Variants in SAMTOR observed in about 807,000 individuals in gnomAD.
SAMTOR encodes the protein S-adenosylmethionine sensor upstream of mTORC1, also known as UPF0532 protein C7orf60.
At chr7:112,868,363 G>A in the SAMTOR span, among the ~76,000 whole-genome samples, 2 of 152,334 alleles carry the variant, frequency 1.3e-5, no homozygotes, top group East Asian at 3.9e-4. Flanking sequence ...CCTAGACCCT[G>A]GGGAGGAGAA....
At chr7:112,931,045 A>AC in the SAMTOR span, among the ~76,000 whole-genome samples, 1 of 152,260 alleles carries the variant, frequency 6.6e-6, no homozygotes, top group Non-Finnish European at 1.5e-5. Context: ...AGTCTCTGCA[A>AC]CTGCATTATT....
the SAMTOR span, among the ~76,000 whole-genome samples, chr7:112,910,247 G>A: frequency 6.6e-6 from 1 of 151,836 alleles, no homozygotes; most frequent in Non-Finnish European, 1.5e-5. Flanking sequence ...CCACAACCCC[G>A]TTGTCCTAAC....
At chr7:112,928,062 G>T in the SAMTOR span, among the ~76,000 whole-genome samples, 1 of 151,902 alleles carries the variant, frequency 6.6e-6, no homozygotes, top group Non-Finnish European at 1.5e-5. Flanking sequence ...GGAAAGAATA[G>T]CACATTCATT....
chr7:112,907,269 A>C, the SAMTOR span, among the ~76,000 whole-genome samples: 1 of 152,206 alleles, frequency 6.6e-6, no homozygotes, highest in African/African-American at 2.4e-5. Flanking sequence ...ATGTTGGGGA[A>C]ATGGATAACT....
chr7:112,874,961 T>C, the SAMTOR span, among the ~76,000 whole-genome samples: 59 of 152,226 alleles, frequency 3.9e-4, 1 homozygote, highest in Middle Eastern at 3.4e-3. Context: ...CAACTAAGCA[T>C]GCAATCACAG....
At chr7:112,852,635 G>C in the SAMTOR span, among the ~76,000 whole-genome samples, 1 of 151,870 alleles carries the variant, frequency 6.6e-6, no homozygotes, top group African/African-American at 2.4e-5. Context: ...TTTTTGGTCA[G>C]CCCTTGACAG....
chr7:112,930,708 AGT>A, the SAMTOR span, among the ~76,000 whole-genome samples: 1 of 152,194 alleles, frequency 6.6e-6, no homozygotes, highest in Non-Finnish European at 1.5e-5. Flanking sequence ...TTACAAGCTT[AGT>A]GTGTTTCCTA....
the SAMTOR span, among the ~76,000 whole-genome samples, chr7:112,870,439 C>G: frequency 1.3e-5 from 2 of 152,126 alleles, no homozygotes; most frequent in South Asian, 2.1e-4. Flanking sequence ...CATATCCCAC[C>G]AAACTAAGCT....
chr7:112,862,092 C>T, the SAMTOR span, among the ~76,000 whole-genome samples: 3 of 151,870 alleles, frequency 2.0e-5, no homozygotes, highest in Admixed American at 1.3e-4. Context: ...CCTGTCTCTA[C>T]AAAAAATAAA....
At chr7:112,880,901 G>A in the SAMTOR span, among the ~76,000 whole-genome samples, 1 of 152,178 alleles carries the variant, frequency 6.6e-6, no homozygotes, top group Non-Finnish European at 1.5e-5. Flanking sequence ...CAGGGGAGGT[G>A]TGGCCAGAGC....
chr7:112,867,557 C>T, the SAMTOR span, among the ~76,000 whole-genome samples: 1 of 152,072 alleles, frequency 6.6e-6, no homozygotes, highest in Non-Finnish European at 1.5e-5. Flanking sequence ...AGGTACAATG[C>T]CACTTAGTAT....
At chr7:112,868,364 GGGA>G in the SAMTOR span, among the ~76,000 whole-genome samples, 3 of 152,314 alleles carry the variant, frequency 2.0e-5, no homozygotes, top group East Asian at 5.8e-4. Flanking sequence ...CTAGACCCTG[GGGA>G]GGAGAAGGCA....
At chr7:112,855,051 G>C in the SAMTOR span, among the ~76,000 whole-genome samples, 5 of 152,190 alleles carry the variant, frequency 3.3e-5, no homozygotes, top group African/African-American at 9.6e-5. Context: ...CTTATCAGTA[G>C]GTACTACTAC....
chr7:112,923,477 AAAATAAATAAAT>A, the SAMTOR span, among the ~76,000 whole-genome samples: 1 of 152,238 alleles, frequency 6.6e-6, no homozygotes, highest in East Asian at 1.9e-4. Context: ...TGATCAATAA[AAAATAAATAAAT>A]AAATAAATAA....
chr7:112,904,528 AAT>A, the SAMTOR span, among the ~76,000 whole-genome samples: 3 of 152,308 alleles, frequency 2.0e-5, no homozygotes, highest in African/African-American at 7.2e-5. Flanking sequence ...ATGCAACTAA[AAT>A]AGCAATCTGA....
At chr7:112,888,865 G>C in the SAMTOR span, among the ~76,000 whole-genome samples, 176 of 152,180 alleles carry the variant, frequency 1.2e-3, 1 homozygote, top group African/African-American at 4.2e-3. Context: ...ATATTTAAAA[G>C]TGGTATGTGA....
chr7:112,820,086 G>A, the SAMTOR span: 2 of 152,278 alleles, frequency 1.3e-5, no homozygotes, highest in Non-Finnish European at 2.9e-5. Context: ...GTTATTTGTG[G>A]CATATTTGAG....
At chr7:112,921,972 G>A in the SAMTOR span, among the ~76,000 whole-genome samples, 18 of 150,706 alleles carry the variant, frequency 1.2e-4, no homozygotes, top group Middle Eastern at 0.01. Flanking sequence ...TCCCTCTCCC[G>A]CTCCCGCTCC....
At chr7:112,877,759 A>C in the SAMTOR span, among the ~76,000 whole-genome samples, 10 of 152,264 alleles carry the variant, frequency 6.6e-5, no homozygotes, top group African/African-American at 2.4e-4. Context: ...CTATCACTGC[A>C]ACAGTGAGTT....
Sources: allele counts gnomAD v4.1 joint callset (sites outside exome capture counted in the v4.1 genomes callset), GRCh38; gene constraint gnomAD v4.1.1; transcripts MANE v1.5; gene names NCBI Gene and HGNC (gene_info 2026-07-23, HGNC 2026-07-21).